The following SELP variants were observed in gnomAD, a reference collection of about 807,000 sequenced individuals.
SELP encodes the protein selectin P.
Under a neutral mutation model 104.1 loss-of-function variants are expected in SELP, and 92 were observed. The observed-to-expected ratio is 0.88, with a 90% CI of 0.75 to 1.05. The LOEUF (loss-of-function observed/expected upper bound fraction) is 1.05. SELP is among the 50% of genes least tolerant of loss of function. The pLI, the probability that SELP is intolerant of heterozygous loss-of-function variation, is 0.00. For missense variants in SELP, 1,022 were observed against 1,017.3 expected (o/e 1.00, Z -0.06); for synonymous variants, 397 against 364.5 (o/e 1.09, Z -1.01).
chr1:169,609,779 C>G, intron 7 of SELP, 90 bp from the exon 8 acceptor site: 2 of 1,240,144 alleles, frequency 1.6e-6, no homozygotes, highest in Non-Finnish European at 2.2e-6. Context: ...TCTTTCCTGT[C>G]CACATTTTCA....
At chr1:169,613,786 G>T (rs1194319284) in intron 3 of SELP, 93 bp from the exon 4 acceptor site, 4 of 1,005,430 alleles carry the variant, frequency 4.0e-6, no homozygotes, top group East Asian at 4.9e-5. Flanking sequence ...TCCCCTCTCA[G>T]ATAGGACTGA....
intron 10 of SELP, among the ~76,000 whole-genome samples, chr1:169,599,389 A>G (rs552308719): frequency 3.7e-4 from 56 of 152,230 alleles, no homozygotes; most frequent in African/African-American, 1.2e-3. Flanking sequence ...ATAATTACAA[A>G]AATAGAAAAC....
chr1:169,601,886 A>G (rs574171841), intron 10 of SELP, among the ~76,000 whole-genome samples: 2 of 116,324 alleles, frequency 1.7e-5, no homozygotes, highest in South Asian at 6.6e-4. Context: ...TTAAGCAATA[A>G]TTATTACCAT....
chr1:169,625,537 A>C (rs1300859661), intron 1 of SELP, among the ~76,000 whole-genome samples: 2 of 152,260 alleles, frequency 1.3e-5, no homozygotes, highest in African/African-American at 4.8e-5. Context: ...ACATGTGAGC[A>C]TACAGCTGAG....
Position 169,619,237 on chromosome 1 carries a change from A to G in SELP, c.4-18T>C, listed in dbSNP as rs777631140. On this transcript the variant is annotated intron_variant, in intron 1 of 16. Coordinates refer to ENST00000263686, the MANE Select transcript of SELP (RefSeq NM_003005.4). ...CAGTTGGCCTGAAACAAGAAGAGAA[A>G]ACTTTCTTTTAGTATCCATACACCA... 1 of 1,601,590 alleles carries G rather than the reference A, an allele frequency of 6.2e-7. No homozygotes were observed. The highest frequency in any genetic ancestry group is 1.3e-5 in the African/African-American group (1 of 74,638).
chr1:169,629,066 A>G lies in SELP; in HGVS notation c.3+1006T>C, dbSNP rs3917859. On this transcript the variant is annotated intron_variant, in intron 1 of 16. Transcript: ENST00000263686. ...ACCTGCCTGGTTCCTCCATAGCCAC[A>G]GACTGCAGGATTTCGGACCCTGGGA... Among the ~76,000 whole-genome samples the G allele has an allele frequency of 7.4e-3, 1,129 of 152,336 alleles. 9 individuals are homozygous for G. The highest frequency in any genetic ancestry group is 0.012 in the Non-Finnish European group (839 of 68,032).
chr1:169,609,202 C>T (rs373928506), intron 8 of SELP, among the ~76,000 whole-genome samples: 15 of 152,258 alleles, frequency 9.9e-5, no homozygotes, highest in Admixed American at 7.8e-4. Flanking sequence ...CATTACCCTT[C>T]CCCATCCCAT....
At chr1:169,609,238 C>T (rs1244890714) in intron 8 of SELP, among the ~76,000 whole-genome samples, 1 of 152,068 alleles carries the variant, frequency 6.6e-6, no homozygotes, top group Non-Finnish European at 1.5e-5. Flanking sequence ...TGATTTATTC[C>T]CCCAAGCCCC....
chr1:169,617,988 A>C (rs1439901560), intron 2 of SELP, among the ~76,000 whole-genome samples: 4 of 152,034 alleles, frequency 2.6e-5, no homozygotes, highest in Non-Finnish European at 5.9e-5. Flanking sequence ...CCTATTCTCC[A>C]TGGCTTTCCC....
Position 169,596,047 on chromosome 1 carries a change from C to A in SELP, c.1979G>T (p.Gly660Val), listed in dbSNP as rs997571016. 1 of 1,613,772 alleles carries A rather than the reference C, an allele frequency of 6.2e-7. No homozygotes were observed. Among genetic ancestry groups the A allele is most frequent in the African/African-American group, 1.3e-5 (1 of 74,866 alleles). The change falls in exon 12 of 17, where the codon GGA (glycine) becomes GTA (valine). Residue 660 changes from glycine to valine, a missense_variant. Physicochemically the swap from Gly to Val is moderately radical, Grantham distance 109 (BLOSUM62 -3). Transcript: ENST00000263686. ...ACAAGTGGTATTAAAACCAAAGGTT[C>A]CCGGATGATGCCTACAGTACATGGT... ...QGTMYCRHHP[G>V]TFGFNTTCYF...
chr1:169,612,444 A>G (rs1221319579), intron 5 of SELP, 42 bp from the exon 6 acceptor site: 8 of 1,598,778 alleles, frequency 5.0e-6, no homozygotes, highest in Non-Finnish European at 4.3e-6. Flanking sequence ...CCTTGGACAA[A>G]TTTTGTCCAT....
intron 11 of SELP, among the ~76,000 whole-genome samples, chr1:169,596,685 C>A (rs1291149490): frequency 6.6e-6 from 1 of 152,222 alleles, no homozygotes; most frequent in Non-Finnish European, 1.5e-5. Flanking sequence ...AGTGACTCTA[C>A]CCCAGTATTG....
intron 9 of SELP, 53 bp from the exon 10 acceptor site, chr1:169,603,264 A>G (rs1662005778): frequency 6.7e-7 from 1 of 1,489,426 alleles, no homozygotes; most frequent in Non-Finnish European, 9.2e-7. Context: ...TAATTCAGCA[A>G]CCTGAACTCT....
At chr1:169,604,375 C>A (rs1462589077) in intron 9 of SELP, among the ~76,000 whole-genome samples, 1 of 152,128 alleles carries the variant, frequency 6.6e-6, no homozygotes, top group Non-Finnish European at 1.5e-5. Flanking sequence ...GAGTAGATTG[C>A]AAAAATGTTC....
chr1:169,619,386 A>T (rs1026598522), intron 1 of SELP, among the ~76,000 whole-genome samples, 167 bp from the exon 2 acceptor site: 2 of 152,218 alleles, frequency 1.3e-5, no homozygotes, highest in African/African-American at 4.8e-5. Context: ...CCTGCTTCTA[A>T]GTTCTACCCT....
At chr1:169,612,787 C>G (rs1198191407) in intron 5 of SELP, 142 bp downstream of exon 5, 2 of 646,116 alleles carry the variant, frequency 3.1e-6, no homozygotes, top group African/African-American at 3.6e-5. Context: ...CTCTGGTTGA[C>G]AGTTAACAGT....
At chr1:169,595,491 A>G (rs529460874) in intron 12 of SELP, among the ~76,000 whole-genome samples, 2 of 152,316 alleles carry the variant, frequency 1.3e-5, no homozygotes, top group African/African-American at 4.8e-5. Context: ...ATAGGTCTCA[A>G]TGCTTTATGT....
At chr1:169,619,563 A>T (rs913602341) in intron 1 of SELP, among the ~76,000 whole-genome samples, 1 of 152,250 alleles carries the variant, frequency 6.6e-6, no homozygotes, top group Non-Finnish European at 1.5e-5. Flanking sequence ...ATTATAAAAC[A>T]ATCTTTTTAA....
chr1:169,608,805 A>G (rs1007117250), intron 8 of SELP, among the ~76,000 whole-genome samples: 1 of 152,152 alleles, frequency 6.6e-6, no homozygotes, highest in African/African-American at 2.4e-5. Flanking sequence ...CAAAATGTCA[A>G]TATTACACTT....
Sources: allele counts gnomAD v4.1 joint callset (sites outside exome capture counted in the v4.1 genomes callset), GRCh38; gene constraint gnomAD v4.1.1; transcripts MANE v1.5; gene names NCBI Gene and HGNC (gene_info 2026-07-23, HGNC 2026-07-21).